The following SLC25A21 variants were observed in gnomAD, a reference collection of about 807,000 sequenced individuals.
The protein encoded by SLC25A21 is solute carrier family 25 member 21, also known as mitochondrial 2-oxodicarboxylate carrier.
Under a neutral mutation model 43.8 loss-of-function variants are expected in SLC25A21, and 47 were observed. The ratio of observed to expected loss-of-function variants is 1.07; its 90% confidence interval spans 0.85 to 1.37. The LOEUF is 1.37. SLC25A21 is among the 40% of genes most tolerant of loss of function. The pLI is 0.00. For missense variants in SLC25A21, 352 were observed against 350.2 expected (o/e 1.00, Z -0.04); for synonymous variants, 131 against 121.3 (o/e 1.08, Z -0.52).
intron 1 of SLC25A21, among the ~76,000 whole-genome samples, chr14:36,957,459 T>C (rs1959370231): frequency 6.6e-6 from 1 of 152,230 alleles, no homozygotes; most frequent in Non-Finnish European, 1.5e-5. Flanking sequence ...TGGATCTCAG[T>C]GTCCTCATCT....
intron 2 of SLC25A21, among the ~76,000 whole-genome samples, chr14:36,857,380 T>C (rs1484804209): frequency 1.3e-5 from 2 of 152,150 alleles, no homozygotes; most frequent in Non-Finnish European, 2.9e-5. Context: ...AGGCTCCAGA[T>C]CCCATTACTG....
chr14:36,729,709 T>C lies in SLC25A21; in HGVS notation c.271-143A>G, dbSNP rs1208596073. ...CTATCTAATACAGTTTTTAATCCTG[T>C]CTCGGGCAGTTGCTATTGGATCTTT... On this transcript the variant is annotated intron_variant, in intron 4 of 9. Transcript: ENST00000331299. The C allele has an allele frequency of 4.6e-6, 3 of 646,044 alleles. No homozygotes were observed. In the Admixed American group the frequency reaches 1.1e-4, roughly 23 times the overall value. The allele number at this position is 646,044 out of a possible 1,614,324, so 40.0% of individuals were successfully genotyped here.
chr14:36,925,955 G>A (rs1892119900), intron 1 of SLC25A21, among the ~76,000 whole-genome samples: 1 of 152,122 alleles, frequency 6.6e-6, no homozygotes, highest in African/African-American at 2.4e-5. Context: ...GTCAGCTGAA[G>A]ACAGAAAATC....
intron 3 of SLC25A21, among the ~76,000 whole-genome samples, chr14:36,766,178 G>A (rs559876136): frequency 2.7e-4 from 41 of 152,088 alleles, no homozygotes; most frequent in Middle Eastern, 3.4e-3. Flanking sequence ...TCTTATTGTG[G>A]TTGCAACCCA....
chr14:36,983,659 T>C (rs201212108), intron 1 of SLC25A21, among the ~76,000 whole-genome samples: 2 of 152,076 alleles, frequency 1.3e-5, no homozygotes, highest in East Asian at 3.9e-4. Flanking sequence ...GGAAAAGAAA[T>C]AATTTCACCA....
chr14:36,960,154 G>A (rs7154652), intron 1 of SLC25A21, among the ~76,000 whole-genome samples: 56,217 of 152,016 alleles, frequency 0.37, 10,587 homozygotes, highest in South Asian at 0.47. Flanking sequence ...ACAAAACATG[G>A]TTGTCTATTC....
chr14:37,094,649 T>C (rs1283460541), intron 1 of SLC25A21, among the ~76,000 whole-genome samples: 2 of 151,672 alleles, frequency 1.3e-5, no homozygotes, highest in Non-Finnish European at 2.9e-5. Flanking sequence ...CATGCAAACA[T>C]GCAGACTTAT....
chr14:36,983,943 T>C (rs1344858136), intron 1 of SLC25A21, among the ~76,000 whole-genome samples: 1 of 151,946 alleles, frequency 6.6e-6, no homozygotes, highest in Non-Finnish European at 1.5e-5. Context: ...AAACAAGGGG[T>C]ACACATGCAT....
At chr14:36,921,511 C>G (rs1891980854) in intron 1 of SLC25A21, among the ~76,000 whole-genome samples, 1 of 152,048 alleles carries the variant, frequency 6.6e-6, no homozygotes. Context: ...TGAAAATAAA[C>G]TACAGCTATA....
chr14:37,134,719 A>G (rs1403149283), intron 1 of SLC25A21, among the ~76,000 whole-genome samples: 1 of 152,094 alleles, frequency 6.6e-6, no homozygotes, highest in African/African-American at 2.4e-5. Flanking sequence ...CAAAAACCTG[A>G]CTATTCCAGA....
rs556507091 is a variant in SLC25A21, at chr14:36,826,996, C to T, written c.120-12995G>A. Among the ~76,000 whole-genome samples the T allele has an allele frequency of 1.9e-4, 29 of 152,234 alleles. No individual in the cohort carries two copies. In the South Asian group the frequency reaches 5.2e-3, roughly 27 times the overall value. On this transcript the variant is annotated intron_variant, in intron 2 of 9. Coordinates refer to ENST00000331299, the MANE Select transcript of SLC25A21 (RefSeq NM_030631.4). ...CTTTGGATGAGGATGGGGATGAGGA[C>T]GAGGACGAGGACAGTGACAAAAAAC...
chr14:36,927,964 C>T (rs1892177606), intron 1 of SLC25A21, among the ~76,000 whole-genome samples: 1 of 152,126 alleles, frequency 6.6e-6, no homozygotes, highest in South Asian at 2.1e-4. Context: ...TTAGGAATTC[C>T]TGGTGTCTAG....
At chr14:36,726,972 G>A (rs553161843) in intron 5 of SLC25A21, among the ~76,000 whole-genome samples, 1 of 152,322 alleles carries the variant, frequency 6.6e-6, no homozygotes, top group South Asian at 2.1e-4. Flanking sequence ...ACCTTAGAAA[G>A]GGAGGCACAA....
Position 36,931,739 on chromosome 14 carries a change from G to C in SLC25A21, c.71-56735C>G, listed in dbSNP as rs573524780. 1.2e-3 allele frequency among the ~76,000 whole-genome samples: 21 copies of C among 17,202 alleles called. No homozygotes were observed. In the South Asian group the frequency reaches 0.019, roughly 16 times the overall value. The allele number at this position is 17,202 out of a possible 152,430, so 11.3% of individuals were successfully genotyped here. On this transcript the variant is annotated intron_variant, in intron 1 of 9. Transcript: ENST00000331299. ...TAAAGCAGGTAAATTCAAAAGACAT[G>C]GAGTTAGAACATGGAGTTAGAATAG...
intron 1 of SLC25A21, among the ~76,000 whole-genome samples, chr14:37,059,111 G>A (rs8009178): frequency 0.48 from 73,283 of 152,084 alleles, 20,651 homozygotes; most frequent in African/African-American, 0.8. Context: ...ATCACGTCTT[G>A]TTTATCTTTG....
At chr14:37,026,494 A>G (rs972510987) in intron 1 of SLC25A21, among the ~76,000 whole-genome samples, 4 of 152,158 alleles carry the variant, frequency 2.6e-5, no homozygotes, top group African/African-American at 9.7e-5. Flanking sequence ...TTGCATCTAA[A>G]TAAACAATGA....
intron 1 of SLC25A21, among the ~76,000 whole-genome samples, chr14:37,142,336 G>A (rs1270459726): frequency 2.0e-5 from 3 of 152,090 alleles, no homozygotes; most frequent in African/African-American, 4.8e-5. Flanking sequence ...GACTATCATC[G>A]AGGTAGAAAC....
chr14:37,142,340 T>C (rs1213163095), intron 1 of SLC25A21, among the ~76,000 whole-genome samples: 1 of 152,116 alleles, frequency 6.6e-6, no homozygotes, highest in Admixed American at 6.6e-5. Flanking sequence ...ATCATCGAGG[T>C]AGAAACCATG....
At chr14:36,940,703 T>C (rs1197848809) in intron 1 of SLC25A21, among the ~76,000 whole-genome samples, 2 of 152,178 alleles carry the variant, frequency 1.3e-5, no homozygotes, top group Non-Finnish European at 2.9e-5. Flanking sequence ...CTGAAATCTT[T>C]TCATTGAACT....
Sources: gnomAD v4.1 joint callset for allele counts (sites outside exome capture counted in the v4.1 genomes callset) on GRCh38, gnomAD v4.1.1 for gene constraint, MANE v1.5 for transcripts, NCBI Gene and HGNC (gene_info 2026-07-23, HGNC 2026-07-21) for gene names.